TCAIM: variants seen among roughly 807,000 people sequenced by gnomAD.
TCAIM encodes T-cell activation inhibitor, mitochondrial.
Under a neutral mutation model 58.6 loss-of-function variants are expected in TCAIM, and 36 were observed. The observed-to-expected ratio is 0.61, with a 90% CI of 0.47 to 0.81. The LOEUF (loss-of-function observed/expected upper bound fraction) is 0.81, where lower values mean the gene tolerates loss of function less well. Ranked by LOEUF, TCAIM falls within the 30% of genes least tolerant of loss-of-function variation. The pLI is 0.00. For missense variants in TCAIM, 466 were observed against 579.6 expected (o/e 0.80, Z 2.01); for synonymous variants, 172 against 193.6 (o/e 0.89, Z 0.93).
At chr3:44,347,805 A>G (rs948092200) in intron 1 of TCAIM, among the ~76,000 whole-genome samples, 4 of 152,052 alleles carry the variant, frequency 2.6e-5, no homozygotes, top group African/African-American at 9.7e-5. Context: ...TTAGTTTTTA[A>G]TGGGATGGTA....
intron 2 of TCAIM, among the ~76,000 whole-genome samples, chr3:44,356,832 C>T (rs1340659609): frequency 2.0e-5 from 3 of 149,262 alleles, no homozygotes; most frequent in Admixed American, 1.3e-4. Flanking sequence ...AAAAAACAGT[C>T]GGCGGTAGTG....
At position 44,372,230 on chromosome 3, in the gene TCAIM, A is replaced by C. The variant is rs147021281; in HGVS notation, c.572+4522A>C. 6.8e-3 allele frequency among the ~76,000 whole-genome samples: 1,042 copies of C among 152,310 alleles called. 11 individuals carry two copies. Among genetic ancestry groups the C allele is most frequent in the Non-Finnish European group, 7.8e-3 (533 of 68,034 alleles). ...CTAATGCCTCATGTATAGCAAGAGA[A>C]AACTGTACTGATTTTTTTATATCTG... is the stretch of plus-strand genomic sequence containing the variant. On this transcript the variant is annotated intron_variant, in intron 5 of 10. Coordinates refer to ENST00000342649, the MANE Select transcript of TCAIM (RefSeq NM_173826.4).
chr3:44,400,329 T>C (rs1271402745), intron 8 of TCAIM, 26 bp from the exon 9 acceptor site: 3 of 1,543,454 alleles, frequency 1.9e-6, no homozygotes, highest in Admixed American at 3.7e-5. Flanking sequence ...AAACTAATTA[T>C]TTCTTTCCCT....
intron 4 of TCAIM, among the ~76,000 whole-genome samples, chr3:44,363,888 G>T (rs1701327817): frequency 1.4e-5 from 2 of 147,450 alleles, no homozygotes; most frequent in South Asian, 2.2e-4. Context: ...TTTGAGGCTA[G>T]CCTGGACAAC....
rs372602586 is a variant in TCAIM, at chr3:44,345,670, T to A, written c.-45+6836T>A. 4.7e-4 allele frequency among the ~76,000 whole-genome samples: 71 copies of A among 152,134 alleles called. 1 individual carries two copies. In the East Asian group the frequency reaches 0.013, roughly 28 times the overall value. ...AGATTGATAGTGTGGTGGAGATAGC[T>A]GGGGAGAGGTAGAGGGTGGCATAAG... On this transcript the variant is annotated intron_variant, in intron 1 of 10. Transcript: ENST00000342649.
At chr3:44,403,042 G>C (rs1164728648) in intron 10 of TCAIM, among the ~76,000 whole-genome samples, 1 of 152,194 alleles carries the variant, frequency 6.6e-6, no homozygotes, top group Non-Finnish European at 1.5e-5. Flanking sequence ...GCCGAGGTGG[G>C]CGGATCACTT....
chr3:44,342,714 C>CT (rs768587907), intron 1 of TCAIM, among the ~76,000 whole-genome samples: 70 of 142,860 alleles, frequency 4.9e-4, no homozygotes, highest in Middle Eastern at 3.6e-3. Context: ...TCACTAAAGC[C>CT]TTTTTTTTTT....
At chr3:44,342,217 C>A (rs183311427) in intron 1 of TCAIM, among the ~76,000 whole-genome samples, 94 of 152,252 alleles carry the variant, frequency 6.2e-4, no homozygotes, top group African/African-American at 2.1e-3. Flanking sequence ...TCAAAGTATT[C>A]TCTCAGTTAA....
chr3:44,354,755 C>G lies in TCAIM; in HGVS notation c.-28C>G, dbSNP rs748960065. ...ACTTTTAAGCAATTAATGGATGCCT[C>G]GAAGTTGACGTACATATATATTCAG... On this transcript the variant is annotated 5_prime_UTR_variant, in exon 2 of 11. Transcript: ENST00000342649. 2 of 1,600,986 alleles carry G rather than the reference C, an allele frequency of 1.2e-6. No individual in the cohort carries two copies. Among genetic ancestry groups the G allele is most frequent in the East Asian group, 2.2e-5 (1 of 44,482 alleles).
intron 2 of TCAIM, among the ~76,000 whole-genome samples, chr3:44,356,765 A>T (rs536752915): frequency 1.3e-5 from 2 of 151,284 alleles, no homozygotes; most frequent in South Asian, 4.2e-4. Flanking sequence ...CAGGAGTTTG[A>T]GACCAGCCTG....
chr3:44,360,640 T>C (rs1701281384), intron 3 of TCAIM, among the ~76,000 whole-genome samples: 1 of 151,786 alleles, frequency 6.6e-6, no homozygotes, highest in South Asian at 2.1e-4. Flanking sequence ...TCTTGCTCTG[T>C]CACCCAGGCG....
chr3:44,401,887 T>C (rs540656253), intron 10 of TCAIM, among the ~76,000 whole-genome samples: 33 of 151,736 alleles, frequency 2.2e-4, no homozygotes, highest in South Asian at 1.0e-3. Flanking sequence ...ACAAAAGTTA[T>C]CCAGGTGTTA....
At chr3:44,382,704 C>T (rs192412197) in intron 5 of TCAIM, among the ~76,000 whole-genome samples, 5 of 152,228 alleles carry the variant, frequency 3.3e-5, no homozygotes, top group African/African-American at 1.2e-4. Flanking sequence ...GGATATAACA[C>T]CTAAAACACA....
Position 44,361,426 on chromosome 3 carries a change from G to C in TCAIM, c.227G>C (p.Gly76Ala). 1 of 1,612,954 alleles carries C rather than the reference G, an allele frequency of 6.2e-7. No homozygotes were observed. Among genetic ancestry groups the C allele is most frequent in the Non-Finnish European group, 8.5e-7 (1 of 1,179,522 alleles). The change falls in exon 4 of 11, where the codon GGC becomes GCC. Residue 76 changes from glycine (G) to alanine (A), a missense_variant. Transcript: ENST00000342649. ...SVYLENLQKPGFKSLKPTQLT... is the reference protein window; with the variant it reads ...SVYLENLQKPAFKSLKPTQLT... Reference sequence around the variant, plus strand: ...TACCTAGAAAACCTCCAGAAACCAGGCTTCAAGTCTTTGAAACCAACTCAG... The same window carrying C: ...TACCTAGAAAACCTCCAGAAACCAGCCTTCAAGTCTTTGAAACCAACTCAG...
At chr3:44,338,376 A>G (rs543547107), upstream of TCAIM, 76 of 152,410 alleles carry the variant, frequency 5.0e-4, no homozygotes, top group Non-Finnish European at 8.9e-4. Context: ...AGCAGTTACC[A>G]GGGTGCTGAC....
At chr3:44,378,358 C>T (rs553936798) in intron 5 of TCAIM, among the ~76,000 whole-genome samples, 35 of 151,758 alleles carry the variant, frequency 2.3e-4, no homozygotes, top group Middle Eastern at 3.4e-3. Context: ...CCAGCCTGGG[C>T]GACAGAGTGA....
chr3:44,386,209 CAAAAAA>C (rs10576012), intron 5 of TCAIM, among the ~76,000 whole-genome samples: 1 of 54,976 alleles, frequency 1.8e-5, no homozygotes, highest in African/African-American at 7.7e-5. Flanking sequence ...CCAGAAGCTC[CAAAAAA>C]AAAAAAAAAA....
At chr3:44,340,706 A>T (rs953139802) in intron 1 of TCAIM, 7 of 152,162 alleles carry the variant, frequency 4.6e-5, no homozygotes, top group African/African-American at 1.7e-4. Context: ...CTGAGTGTGC[A>T]TCAGAATCCC....
At chr3:44,339,096 A>G (rs1393926034) in intron 1 of TCAIM, among the ~76,000 whole-genome samples, 1 of 49,398 alleles carries the variant, frequency 2.0e-5, no homozygotes, top group Non-Finnish European at 4.3e-5. Context: ...TACGTACTAA[A>G]TCTCATATAG....
Sources: gnomAD v4.1 joint callset for allele counts (sites outside exome capture counted in the v4.1 genomes callset) on GRCh38, gnomAD v4.1.1 for gene constraint, MANE v1.5 for transcripts, NCBI Gene and HGNC (gene_info 2026-07-23, HGNC 2026-07-21) for gene names.